The following DCAF8L2 variants were observed in gnomAD, a reference collection of about 807,000 sequenced individuals.
The protein encoded by DCAF8L2 is DDB1 and CUL4 associated factor 8 like 2.
For missense variants in DCAF8L2, 430 were observed against 490.7 expected (o/e 0.88, Z 1.17); for synonymous variants, 200 against 190.9 (o/e 1.05, Z -0.39).
chrX:27,654,868 C>T (rs774035240), intron 2 of DCAF8L2, among the ~76,000 whole-genome samples: 1 of 111,011 alleles, frequency 9.0e-6, no homozygotes, highest in Non-Finnish European at 1.9e-5. Context: ...ATCTTGTTAA[C>T]GTTTATTTTT....
intron 2 of DCAF8L2, among the ~76,000 whole-genome samples, chrX:27,647,922 A>G (rs1929003619): frequency 1.8e-5 from 2 of 111,739 alleles, no homozygotes; most frequent in Admixed American, 1.9e-4. Flanking sequence ...ATTTTTTGCT[A>G]CCCACATAGT....
At chrX:27,533,232 AAG>A in the DCAF8L2 span, among the ~76,000 whole-genome samples, 1,292 of 36,223 alleles carry the variant, frequency 0.036, 44 homozygotes, top group Non-Finnish European at 0.055. Flanking sequence ...GAAAGAAAGA[AAG>A]AGAAAGAAAG....
At chrX:27,588,011 T>TATATATATATATATATATATAG (rs1925945171), upstream of DCAF8L2, among the ~76,000 whole-genome samples, 1 of 98,014 alleles carries the variant, frequency 1.0e-5, no homozygotes. Flanking sequence ...TATATATATA[T>TATATATATATATATATATATAG]ATATAATTTC....
intron 2 of DCAF8L2, chrX:27,632,782 A>G (rs748739715): frequency 9.0e-6 from 1 of 111,099 alleles, no homozygotes. Flanking sequence ...ACTCTGCTCT[A>G]TTTGGTTTCT....
At chrX:27,635,786 CGTGT>C (rs754830405) in intron 2 of DCAF8L2, among the ~76,000 whole-genome samples, 6,250 of 90,193 alleles carry the variant, frequency 0.069, 208 homozygotes, top group Non-Finnish European at 0.079. Flanking sequence ...TTTCCTTTTA[CGTGT>C]GTGTGTGTGT....
At chrX:27,660,980 T>C (rs917174994) in intron 2 of DCAF8L2, among the ~76,000 whole-genome samples, 1 of 111,690 alleles carries the variant, frequency 9.0e-6, no homozygotes, top group Non-Finnish European at 1.9e-5. Context: ...GACCTAGGCA[T>C]GTGGAAATGC....
the DCAF8L2 span, among the ~76,000 whole-genome samples, chrX:27,495,488 T>A: frequency 8.9e-6 from 1 of 112,147 alleles, no homozygotes; most frequent in Non-Finnish European, 1.9e-5. Flanking sequence ...TCTGTAGGTA[T>A]ACCTAAATCT....
chrX:27,663,445 T>G (rs1426957668), intron 2 of DCAF8L2, among the ~76,000 whole-genome samples: 1 of 111,912 alleles, frequency 8.9e-6, no homozygotes, highest in Non-Finnish European at 1.9e-5. Flanking sequence ...CTCACAATAC[T>G]TGAAACTTTT....
the DCAF8L2 span, among the ~76,000 whole-genome samples, chrX:27,541,347 A>T: frequency 3.3e-5 from 3 of 90,898 alleles, no homozygotes; most frequent in Non-Finnish European, 6.3e-5. Flanking sequence ...TTTTTATTTT[A>T]TTTATTTATT....
Position 27,719,171 on chromosome X carries a change from C to A in DCAF8L2, c.-59+3000C>A, listed in dbSNP as rs147547468. Among the ~76,000 whole-genome samples, 944 of 111,239 alleles carry A rather than the reference C, an allele frequency of 8.5e-3. 8 individuals carry two copies. Among genetic ancestry groups the A allele is most frequent in the African/African-American group, 0.029 (880 of 30,622 alleles). ...ATGGCTGCAACATTTTGCATCCCCA[C>A]CAGCAATGTATGAGAAATGCAGTTG... On this transcript the variant is annotated intron_variant, in intron 4 of 4. Transcript: ENST00000451261.
chrX:27,715,779 C>T (rs758896797), intron 3 of DCAF8L2, among the ~76,000 whole-genome samples: 1 of 111,833 alleles, frequency 8.9e-6, no homozygotes, highest in African/African-American at 3.2e-5. Flanking sequence ...TTCATGCTCC[C>T]AGGTCATTTC....
chrX:27,483,881 A>G, the DCAF8L2 span, among the ~76,000 whole-genome samples: 1 of 111,006 alleles, frequency 9.0e-6, no homozygotes, highest in Non-Finnish European at 1.9e-5. Flanking sequence ...TGTGGCCTTC[A>G]TGGATTTAGA....
In DCAF8L2 at chrX:27,748,135, C is replaced by T; in HGVS notation, c.1240C>T (p.His414Tyr). 1 of 1,211,798 alleles carries T rather than the reference C, an allele frequency of 8.3e-7. No homozygotes were observed. Among genetic ancestry groups the T allele is most frequent in the Non-Finnish European group, 1.1e-6 (1 of 895,494 alleles). The change falls in exon 5 of 5, where the codon CAT (histidine) becomes TAT (tyrosine). Residue 414 changes from histidine to tyrosine, a missense_variant. His to Tyr is a moderately conservative substitution (Grantham distance 83). Transcript: ENST00000451261. ...TGGCGTGCTCAAGAAATTCACTCCT[C>T]ATCATCTGGTTAATTGTGATTTCCC... ...NNGVLKKFTP[H>Y]HLVNCDFPTN...
At chrX:27,572,318 A>G in the DCAF8L2 span, among the ~76,000 whole-genome samples, 1 of 111,480 alleles carries the variant, frequency 9.0e-6, no homozygotes, top group Admixed American at 9.5e-5. Context: ...CTTGTCCACC[A>G]TAGTTAGCTC....
At chrX:27,742,830 T>C (rs1921932964) in intron 4 of DCAF8L2, among the ~76,000 whole-genome samples, 1 of 111,277 alleles carries the variant, frequency 9.0e-6, no homozygotes, top group South Asian at 3.8e-4. Flanking sequence ...AGAAAAAGAG[T>C]GGCATTTCTT....
the DCAF8L2 span, among the ~76,000 whole-genome samples, chrX:27,565,208 T>C: frequency 9.0e-6 from 1 of 110,977 alleles, no homozygotes; most frequent in South Asian, 3.9e-4. Flanking sequence ...TGGCTTTTAT[T>C]GTGCTGAGGT....
At chrX:27,500,341 A>G in the DCAF8L2 span, among the ~76,000 whole-genome samples, 337 of 112,269 alleles carry the variant, frequency 3.0e-3, 1 homozygote, top group South Asian at 5.1e-3. Context: ...AAAAATAGGA[A>G]AGATACAGAT....
chrX:27,714,624 A>AACATT (rs760883449), intron 3 of DCAF8L2, among the ~76,000 whole-genome samples: 12 of 112,371 alleles, frequency 1.1e-4, no homozygotes, highest in African/African-American at 3.9e-4. Context: ...TATGGCAGCC[A>AACATT]ACATTACATT....
intron 1 of DCAF8L2, among the ~76,000 whole-genome samples, chrX:27,630,566 A>T (rs983505082): frequency 2.7e-5 from 3 of 111,854 alleles, no homozygotes; most frequent in African/African-American, 9.7e-5. Flanking sequence ...ATATTACAAG[A>T]AGAGAAAATT....
Sources: allele counts gnomAD v4.1 joint callset (sites outside exome capture counted in the v4.1 genomes callset), GRCh38; gene constraint gnomAD v4.1.1; transcripts MANE v1.5; gene names NCBI Gene and HGNC (gene_info 2026-07-23, HGNC 2026-07-21).